The following GYS2 variants were observed in gnomAD, a reference collection of about 807,000 sequenced individuals.
The protein encoded by GYS2 is glycogen [starch] synthase, liver.
Under a neutral mutation model 85.6 loss-of-function variants are expected in GYS2, and 80 were observed. That is an observed-to-expected ratio of 0.93 (90% CI 0.78 to 1.13). The LOEUF is 1.13. Among genes scored for constraint, GYS2 ranks in the 50% most tolerant of loss-of-function variants. The probability of loss-of-function intolerance (pLI) is 0.00; values close to 1 mark genes in which losing one functional copy is unlikely to be tolerated. For synonymous variants in GYS2, 328 were observed against 300.7 expected (o/e 1.09, Z -0.94); for missense variants, 881 against 854.9 (o/e 1.03, Z -0.38).
At chr12:21,566,294 C>G (rs113637801) in intron 5 of GYS2, among the ~76,000 whole-genome samples, 1 of 151,640 alleles carries the variant, frequency 6.6e-6, no homozygotes, top group Admixed American at 6.6e-5. Flanking sequence ...AACTTTTAAT[C>G]GGGGAAGACT....
At chr12:21,561,367 C>T (rs1944250741) in intron 7 of GYS2, among the ~76,000 whole-genome samples, 1 of 152,130 alleles carries the variant, frequency 6.6e-6, no homozygotes, top group African/African-American at 2.4e-5. Flanking sequence ...CTGGAAATGA[C>T]TGACTAGCTC....
intron 15 of GYS2, 79 bp downstream of exon 15, chr12:21,539,179 C>G (rs1943943633): frequency 3.6e-6 from 3 of 822,266 alleles, no homozygotes; most frequent in East Asian, 5.2e-5. Flanking sequence ...GTGTGCATAG[C>G]TACTTCCAAA....
intron 1 of GYS2, among the ~76,000 whole-genome samples, chr12:21,592,344 A>C (rs1944649606): frequency 6.6e-6 from 1 of 152,052 alleles, no homozygotes; most frequent in South Asian, 2.1e-4. Flanking sequence ...AAAGATATAG[A>C]CTGGCTAAAT....
intron 1 of GYS2, among the ~76,000 whole-genome samples, chr12:21,597,258 C>T (rs1944706880): frequency 6.6e-6 from 1 of 151,962 alleles, no homozygotes; most frequent in African/African-American, 2.4e-5. Flanking sequence ...ACAATCAACA[C>T]AGTGAAGAGA....
rs571040289 is a variant in GYS2 at position 21,566,396 on chromosome 12, T to C, written c.823+2469A>G. Among the ~76,000 whole-genome samples, 58 of 152,192 alleles carry C rather than the reference T, an allele frequency of 3.8e-4. 1 individual carries two copies. Among genetic ancestry groups the C allele is most frequent in the South Asian group, 3.5e-3 (17 of 4,818 alleles). On this transcript the variant is annotated intron_variant, in intron 5 of 15. Transcript: ENST00000261195. ...CTCTTGGGAAGGTTTATATGTTTAA[T>C]GATCTACTAAAAGTCCATTGACCTT...
intron 11 of GYS2, among the ~76,000 whole-genome samples, chr12:21,550,353 C>CACA (rs1555154859): frequency 4.2e-5 from 5 of 120,060 alleles, no homozygotes; most frequent in Non-Finnish European, 7.0e-5. Flanking sequence ...ACACACACAC[C>CACA]CCTGGTTTTT....
intron 3 of GYS2, among the ~76,000 whole-genome samples, chr12:21,574,803 T>A (rs1284167599): frequency 6.6e-6 from 1 of 151,932 alleles, no homozygotes; most frequent in East Asian, 1.9e-4. Flanking sequence ...TGATATTTAC[T>A]AAAGAAATGG....
At chr12:21,560,564 C>T (rs1009540274) in intron 7 of GYS2, 72 bp from the exon 8 acceptor site, 10 of 797,680 alleles carry the variant, frequency 1.3e-5, no homozygotes, top group Non-Finnish European at 2.1e-5. Flanking sequence ...GGAACTTAAA[C>T]ATTGAAAAGT....
intron 15 of GYS2, among the ~76,000 whole-genome samples, chr12:21,538,381 T>A (rs1313302429): frequency 6.6e-6 from 1 of 152,176 alleles, no homozygotes; most frequent in Non-Finnish European, 1.5e-5. Flanking sequence ...AGAAATTATA[T>A]CTGAACTGAA....
intron 11 of GYS2, among the ~76,000 whole-genome samples, chr12:21,553,343 C>T (rs1944136116): frequency 6.6e-6 from 1 of 152,228 alleles, no homozygotes; most frequent in Non-Finnish European, 1.5e-5. Context: ...GATTTAAATA[C>T]AGTCTTCATG....
intron 2 of GYS2, among the ~76,000 whole-genome samples, chr12:21,576,552 T>G (rs1187559342): frequency 6.6e-6 from 1 of 152,156 alleles, no homozygotes; most frequent in Non-Finnish European, 1.5e-5. Context: ...ACTATTCCTA[T>G]CAAAAGAAGT....
In GYS2 at chr12:21,536,702, C is replaced by T. The variant is rs1031140730; in HGVS notation, c.*252G>A. On this transcript the variant is annotated 3_prime_UTR_variant, in exon 16 of 16. Coordinates refer to ENST00000261195, the MANE Select transcript of GYS2 (RefSeq NM_021957.4). Reference sequence around the variant, plus strand: ...ATTCACCATTTTAAAAACACTTTTCCGTCTTCTGCCTTTAATGAGTGCTCC... The same window carrying T: ...ATTCACCATTTTAAAAACACTTTTCTGTCTTCTGCCTTTAATGAGTGCTCC... 2 of 504,864 alleles carry T rather than the reference C, an allele frequency of 4.0e-6. No individual in the cohort carries two copies. Among genetic ancestry groups the T allele is most frequent in the East Asian group, 3.6e-5 (1 of 27,758 alleles). The allele number at this position is 504,864 out of a possible 1,614,324, so 31.3% of individuals were successfully genotyped here.
chr12:21,599,545 A>T (rs889398945), intron 1 of GYS2, among the ~76,000 whole-genome samples: 5 of 152,180 alleles, frequency 3.3e-5, no homozygotes, highest in African/African-American at 1.2e-4. Flanking sequence ...AAAGGAAGTG[A>T]GTAGACTAGT....
At chr12:21,585,678 G>T (rs1165119132) in intron 1 of GYS2, among the ~76,000 whole-genome samples, 1 of 152,050 alleles carries the variant, frequency 6.6e-6, no homozygotes, top group Non-Finnish European at 1.5e-5. Flanking sequence ...GTGACCAATT[G>T]CAGATACAAG....
chr12:21,569,325 A>G (rs1345555906), intron 4 of GYS2, among the ~76,000 whole-genome samples: 1 of 152,202 alleles, frequency 6.6e-6, no homozygotes, highest in Non-Finnish European at 1.5e-5. Context: ...CTTATTCTAC[A>G]TCTTGGAATA....
intron 3 of GYS2, among the ~76,000 whole-genome samples, chr12:21,575,621 GTGTT>G (rs1225057911): frequency 9.2e-5 from 14 of 152,048 alleles, no homozygotes; most frequent in African/African-American, 3.4e-4. Context: ...ATATAATTGG[GTGTT>G]TGATACACAT....
chr12:21,552,066 A>C (rs556651370), intron 11 of GYS2, among the ~76,000 whole-genome samples: 43 of 152,282 alleles, frequency 2.8e-4, no homozygotes, highest in African/African-American at 8.2e-4. Flanking sequence ...TGAGGAAGGG[A>C]TATTAGAGGT....
intron 11 of GYS2, among the ~76,000 whole-genome samples, chr12:21,547,684 T>C (rs1318774600): frequency 1.3e-5 from 2 of 152,166 alleles, no homozygotes; most frequent in Admixed American, 6.6e-5. Context: ...TGTATCATAC[T>C]ATGATGATGA....
chr12:21,597,512 G>A (rs1000173296), intron 1 of GYS2, among the ~76,000 whole-genome samples: 6 of 152,014 alleles, frequency 3.9e-5, no homozygotes, highest in African/African-American at 1.4e-4. Context: ...ATGCCAGTTA[G>A]AATCATCATG....
Sources: gnomAD v4.1 joint callset for allele counts (sites outside exome capture counted in the v4.1 genomes callset) on GRCh38, gnomAD v4.1.1 for gene constraint, MANE v1.5 for transcripts, NCBI Gene and HGNC (gene_info 2026-07-23, HGNC 2026-07-21) for gene names.